The following PLXNA4 variants were observed in gnomAD, a reference collection of about 807,000 sequenced individuals.
PLXNA4 encodes plexin A4.
A neutral mutation model predicts 191.8 loss-of-function variants in PLXNA4; 44 were observed. The ratio of observed to expected loss-of-function variants is 0.23; its 90% confidence interval spans 0.18 to 0.29. The LOEUF (loss-of-function observed/expected upper bound fraction) is 0.29, where lower values mean the gene tolerates loss of function less well. Ranked by LOEUF, PLXNA4 falls within the 10% of genes least tolerant of loss-of-function variation. PLXNA4 has a pLI of 1.00. For synonymous variants in PLXNA4, 1,082 were observed against 1,009.5 expected, an observed-to-expected ratio of 1.07 and a Z score of -1.36; for missense variants, 1,800 against 2,488.8, an observed-to-expected ratio of 0.72 and a Z score of 5.89.
At chr7:132,461,042 A>G (rs76161470) in intron 3 of PLXNA4, among the ~76,000 whole-genome samples, 4,545 of 152,336 alleles carry the variant, frequency 0.03, 298 homozygotes, top group East Asian at 0.29. Flanking sequence ...TGTCTGGGAA[A>G]TGTCGTTTTT....
chr7:132,229,876 A>C (rs565726623), intron 5 of PLXNA4, among the ~76,000 whole-genome samples: 2 of 152,128 alleles, frequency 1.3e-5, no homozygotes, highest in South Asian at 4.2e-4. Flanking sequence ...GCTTAGGGAA[A>C]GCTATGGGGG....
intron 20 of PLXNA4, among the ~76,000 whole-genome samples, chr7:132,177,133 A>G (rs995014265): frequency 6.6e-6 from 1 of 151,310 alleles, no homozygotes; most frequent in Non-Finnish European, 1.5e-5. Context: ...GTGTGTGAGC[A>G]TGTCACTATG....
intron 25 of PLXNA4, among the ~76,000 whole-genome samples, chr7:132,151,961 A>T (rs1325697155): frequency 6.6e-6 from 1 of 152,088 alleles, no homozygotes; most frequent in Non-Finnish European, 1.5e-5. Flanking sequence ...GCCAGAACCC[A>T]CTTTCACTTC....
rs766038360 is a variant in PLXNA4 at position 132,223,605 on chromosome 7, G to A, written c.2019C>T (p.His673=). Residue 673 remains histidine, a synonymous_variant, in exon 9 of 32, where the codon CAC becomes CAT. Transcript: ENST00000321063. ...TGCAGACATGCCGGTATTTACACCA[G>A]TGGCAGCGGTATGGACTCTCCACGC... ...LSCVESPYRC[H]WCKYRHVCTH... 6 of 1,613,762 alleles carry A rather than the reference G, an allele frequency of 3.7e-6. No individual in the cohort carries two copies. In the East Asian group the frequency reaches 1.3e-4, roughly 36 times the overall value.
intron 12 of PLXNA4, among the ~76,000 whole-genome samples, chr7:132,199,163 T>C (rs1797353369): frequency 6.6e-6 from 1 of 152,182 alleles, no homozygotes; most frequent in Admixed American, 6.5e-5. Flanking sequence ...TTTGTGCCTG[T>C]TCTTCATCCT....
chr7:132,264,314 C>T (rs1037068346), intron 4 of PLXNA4: 2 of 152,192 alleles, frequency 1.3e-5, no homozygotes, highest in African/African-American at 2.4e-5. Context: ...ACTAAAATTG[C>T]TTTTATCTTT....
chr7:132,285,915 A>C (rs1313840649), intron 4 of PLXNA4, among the ~76,000 whole-genome samples: 2 of 152,148 alleles, frequency 1.3e-5, no homozygotes, highest in Non-Finnish European at 2.9e-5. Context: ...TGAGGTGGTC[A>C]AGGCCCACCC....
rs1375238852 is a variant in PLXNA4, at chr7:132,130,489, A to T, written c.5675T>A (p.Leu1892Ter). The change falls in exon 32 of 32, where the codon TTA (leucine) becomes TAA (stop). Residue 1892 changes from leucine (L) to a stop codon, truncating the protein, a stop_gained. Coordinates refer to ENST00000321063, the MANE Select transcript of PLXNA4 (RefSeq NM_020911.2). LOFTEE classifies it high-confidence loss of function. ...KLEQVITLMS[L>*]DS is the part of the protein sequence containing the mutation. ...CTGGAAGGACGGTTCTCAGCTGTCT[A>T]AGCTCATGAGGGTTATGACTTGTTC... The T allele has an allele frequency of 1.2e-6, 2 of 1,614,012 alleles. No individual in the cohort carries two copies. Among genetic ancestry groups the T allele is most frequent in the African/African-American group, 1.3e-5 (1 of 74,900 alleles).
intron 1 of PLXNA4, among the ~76,000 whole-genome samples, chr7:132,564,092 TC>T (rs1801581807): frequency 2.4e-5 from 3 of 123,524 alleles, no homozygotes; most frequent in Non-Finnish European, 3.4e-5. Context: ...CTTCTCTTCC[TC>T]CTCCTCCTCC....
rs1562906224 is a variant in PLXNA4 at position 132,185,328 on chromosome 7, C to T, written c.3129G>A (p.Val1043=). Residue 1043 remains valine (V), a synonymous_variant, in exon 16 of 32, where the codon GTG becomes GTA. Coordinates refer to ENST00000321063, the MANE Select transcript of PLXNA4 (RefSeq NM_020911.2). ...VFQYVEDPTI[V]RIEPEWSIVS... ...CAATGCTCCATTCTGGCTCAATCCG[C>T]ACGATGGTGGGGTCTTCCACATACT... is the stretch of plus-strand genomic sequence containing the variant. 1.2e-6 allele frequency: 2 copies of T among 1,613,794 alleles called. No homozygotes were observed. Among genetic ancestry groups the T allele is most frequent in the East Asian group, 2.2e-5 (1 of 44,882 alleles).
intron 5 of PLXNA4, among the ~76,000 whole-genome samples, chr7:132,229,375 C>A (rs1188462322): frequency 6.6e-6 from 1 of 152,218 alleles, no homozygotes; most frequent in Non-Finnish European, 1.5e-5. Flanking sequence ...ACATGGAACT[C>A]TCCTGAAATG....
intron 25 of PLXNA4, among the ~76,000 whole-genome samples, chr7:132,156,119 T>C (rs1460690151): frequency 6.7e-6 from 1 of 148,982 alleles, no homozygotes; most frequent in African/African-American, 2.5e-5. Flanking sequence ...TCTCTCTCTC[T>C]CTCTGTTTCT....
chr7:132,283,069 C>G (rs1297996177), intron 4 of PLXNA4, among the ~76,000 whole-genome samples: 1 of 152,004 alleles, frequency 6.6e-6, no homozygotes, highest in Non-Finnish European at 1.5e-5. Flanking sequence ...CAGGATTTCA[C>G]CACGTTGCCC....
At chr7:132,414,048 T>C (rs1794567460) in intron 3 of PLXNA4, among the ~76,000 whole-genome samples, 3 of 152,144 alleles carry the variant, frequency 2.0e-5, no homozygotes, top group Admixed American at 2.0e-4. Context: ...ACTACACATA[T>C]CTCATAATTT....
chr7:132,404,451 G>A (rs1794126525), intron 3 of PLXNA4, among the ~76,000 whole-genome samples: 1 of 152,230 alleles, frequency 6.6e-6, no homozygotes, highest in Admixed American at 6.5e-5. Flanking sequence ...CACAGGCCCA[G>A]AGCCAGGGGG....
At position 132,230,171 on chromosome 7, in the gene PLXNA4, A is replaced by G. The variant is rs371514170; in HGVS notation, c.1605-1702T>C. On this transcript the variant is annotated intron_variant, in intron 5 of 31. Coordinates refer to ENST00000321063, the MANE Select transcript of PLXNA4 (RefSeq NM_020911.2). ...TGGAGTTTACATTGTCTAGCGTTTA[A>G]GTCTCATAACAATGCTGCAACAAAC... 3.3e-5 allele frequency among the ~76,000 whole-genome samples: 5 copies of G among 152,320 alleles called. No homozygotes were observed. In the South Asian group the frequency reaches 8.3e-4, roughly 25 times the overall value.
intron 14 of PLXNA4, among the ~76,000 whole-genome samples, chr7:132,192,284 C>T (rs1181797854): frequency 6.6e-6 from 1 of 152,140 alleles, no homozygotes; most frequent in Non-Finnish European, 1.5e-5. Flanking sequence ...TCCATTAACC[C>T]CCACAGCCAG....
intron 25 of PLXNA4, among the ~76,000 whole-genome samples, chr7:132,151,285 G>A: frequency 1.4e-5 from 1 of 73,544 alleles, no homozygotes; most frequent in East Asian, 5.4e-4. Context: ...GAAGGAGGAG[G>A]AGGAGGAAGA....
intron 5 of PLXNA4, among the ~76,000 whole-genome samples, chr7:132,235,527 C>A (rs752959458): frequency 6.6e-6 from 1 of 152,190 alleles, no homozygotes; most frequent in African/African-American, 2.4e-5. Context: ...ATTCTTCCAA[C>A]AGAAGAAATC....
Sources: allele counts gnomAD v4.1 joint callset (sites outside exome capture counted in the v4.1 genomes callset), GRCh38; gene constraint gnomAD v4.1.1; transcripts MANE v1.5; gene names NCBI Gene and HGNC (gene_info 2026-07-23, HGNC 2026-07-21).